Variants in LRRC40 observed in about 807,000 individuals in gnomAD.
LRRC40 encodes leucine-rich repeat-containing protein 40.
LRRC40 carries 76 observed loss-of-function variants against 72.8 expected under a neutral mutation model. The observed-to-expected ratio is 1.04, with a 90% CI of 0.87 to 1.26. The LOEUF is 1.26. LRRC40 is among the 50% of genes most tolerant of loss of function. LRRC40 has a pLI of 0.00. For synonymous variants in LRRC40, 243 were observed against 254.2 expected (o/e 0.96, Z 0.42); for missense variants, 684 against 698.9 (o/e 0.98, Z 0.24).
chr1:70,164,770 T>C (rs954019672), intron 9 of LRRC40, among the ~76,000 whole-genome samples: 1 of 152,228 alleles, frequency 6.6e-6, no homozygotes, highest in Non-Finnish European at 1.5e-5. Flanking sequence ...AAGATTTGCA[T>C]GTCAGATTGC....
intron 1 of LRRC40, among the ~76,000 whole-genome samples, chr1:70,195,757 C>T (rs1422741812): frequency 6.6e-6 from 1 of 152,146 alleles, no homozygotes; most frequent in Non-Finnish European, 1.5e-5. Flanking sequence ...CTCAGCCTCC[C>T]GAGCAGCAGC....
At chr1:70,148,137 CAAA>C (rs35638808) in intron 14 of LRRC40, 65 of 94,172 alleles carry the variant, frequency 6.9e-4, no homozygotes, top group South Asian at 2.5e-3. Context: ...CAATCAATTT[CAAA>C]AAAAAAAAAA....
intron 7 of LRRC40, among the ~76,000 whole-genome samples, chr1:70,175,222 T>C (rs1668077301): frequency 1.3e-5 from 2 of 152,164 alleles, no homozygotes; most frequent in African/African-American, 2.4e-5. Flanking sequence ...TTAAGTCTGA[T>C]TGTAAGGCAC....
At chr1:70,203,874 GAA>G (rs1011968477) in intron 1 of LRRC40, among the ~76,000 whole-genome samples, 3 of 123,696 alleles carry the variant, frequency 2.4e-5, no homozygotes, top group Non-Finnish European at 5.2e-5. Context: ...GCCAGACAGA[GAA>G]AGACTTTCTA....
chr1:70,173,265 TAC>T (rs1419023762), intron 9 of LRRC40, among the ~76,000 whole-genome samples, 198 bp downstream of exon 9: 2 of 152,046 alleles, frequency 1.3e-5, no homozygotes, highest in Non-Finnish European at 2.9e-5. Flanking sequence ...TTACAGATAG[TAC>T]ATTATTATTG....
At chr1:70,171,726 C>T (rs1344670758) in intron 9 of LRRC40, among the ~76,000 whole-genome samples, 2 of 152,090 alleles carry the variant, frequency 1.3e-5, no homozygotes, top group Non-Finnish European at 2.9e-5. Flanking sequence ...GGAATCAGAA[C>T]ACTCATATAC....
chr1:70,151,122 T>C lies in LRRC40; in HGVS notation c.1517+6A>G, dbSNP rs994938290. 12 of 1,460,016 alleles carry C rather than the reference T, an allele frequency of 8.2e-6. No homozygotes were observed. The Admixed American group carries it at 1.5e-4, about 19-fold the overall frequency. 90.4% of individuals were successfully genotyped at this position (1,460,016 alleles called of 1,614,324 possible). A position where few individuals can be genotyped will look rare whatever the true frequency, so the allele number is the denominator to read the frequency against. The stretch of plus-strand genomic sequence containing the variant: ...GAATAACAATTAGAATTGTCTGTTC[T>C]CTTACCTATTAAAGGAAAGATTGAT... On this transcript the variant is annotated splice_donor_region_variant and intron_variant, in intron 13 of 14. Transcript: ENST00000370952.
intron 1 of LRRC40, among the ~76,000 whole-genome samples, chr1:70,197,013 T>C (rs1668626929): frequency 6.6e-6 from 1 of 152,104 alleles, no homozygotes; most frequent in East Asian, 1.9e-4. Context: ...AGATACAATA[T>C]CCTTAAGCAG....
At chr1:70,189,488 C>A (rs1280850091) in intron 1 of LRRC40, among the ~76,000 whole-genome samples, 2 of 152,158 alleles carry the variant, frequency 1.3e-5, no homozygotes, top group African/African-American at 4.8e-5. Context: ...ATGTCCTCTA[C>A]ACATTAGCTC....
At chr1:70,200,520 AAGAG>A (rs1037836857) in intron 1 of LRRC40, among the ~76,000 whole-genome samples, 7 of 152,178 alleles carry the variant, frequency 4.6e-5, no homozygotes, top group Non-Finnish European at 8.8e-5. Context: ...TGTAAATGTG[AAGAG>A]AGAGAGAAAG....
At chr1:70,186,564 G>A (rs976303338) in intron 3 of LRRC40, among the ~76,000 whole-genome samples, 8 of 152,076 alleles carry the variant, frequency 5.3e-5, no homozygotes, top group African/African-American at 1.2e-4. Flanking sequence ...ATCTGTAACC[G>A]TATCTATTTT....
At chr1:70,186,961 CAA>C (rs1323296133) in intron 3 of LRRC40, among the ~76,000 whole-genome samples, 1 of 146,672 alleles carries the variant, frequency 6.8e-6, no homozygotes, top group Non-Finnish European at 1.5e-5. Flanking sequence ...GAGACATCAA[CAA>C]AGAGGTTTAC....
intron 1 of LRRC40, among the ~76,000 whole-genome samples, chr1:70,195,758 G>A (rs886533108): frequency 3.3e-5 from 5 of 152,070 alleles, no homozygotes; most frequent in Admixed American, 1.3e-4. Context: ...TCAGCCTCCC[G>A]AGCAGCAGCT....
In LRRC40 at chr1:70,174,003, T is replaced by C. The variant is rs377619805; in HGVS notation, c.978-294A>G. On this transcript the variant is annotated intron_variant, in intron 7 of 14. Coordinates refer to ENST00000370952, the MANE Select transcript of LRRC40 (RefSeq NM_017768.5). The stretch of plus-strand genomic sequence containing the variant: ...AGTAAATGTTAAACATAAATTTGAA[T>C]GAATCAGTGATTCAAGATAGACATC... Among the ~76,000 whole-genome samples, 498 of 152,174 alleles carry C rather than the reference T, an allele frequency of 3.3e-3. 6 individuals carry two copies. The highest frequency in any genetic ancestry group is 0.031 in the South Asian group (150 of 4,822).
chr1:70,145,790 C>G lies in LRRC40; in HGVS notation c.*10G>C, dbSNP rs754040008. On this transcript the variant is annotated 3_prime_UTR_variant, in exon 15 of 15. Transcript: ENST00000370952. ...ATAATACATGACAAGGGTTATAAAG[C>G]AACTCCATGTTAAGTAGGAATTCGG... 2.0e-4 allele frequency: 293 copies of G among 1,438,962 alleles called. No individual in the cohort carries two copies. The highest frequency in any genetic ancestry group is 2.7e-4 in the Non-Finnish European group (273 of 1,022,118). The allele number at this position is 1,438,962 out of a possible 1,614,324, so 89.1% of individuals were successfully genotyped here. A position where few individuals can be genotyped will look rare whatever the true frequency, so the allele number is the denominator to read the frequency against.
At chr1:70,169,173 T>C (rs1190118064) in intron 9 of LRRC40, among the ~76,000 whole-genome samples, 1 of 152,150 alleles carries the variant, frequency 6.6e-6, no homozygotes, top group African/African-American at 2.4e-5. Flanking sequence ...TACCTCGCTC[T>C]GTACACAGCC....
intron 6 of LRRC40, among the ~76,000 whole-genome samples, chr1:70,178,520 A>G (rs1668160781): frequency 6.6e-6 from 1 of 152,210 alleles, no homozygotes; most frequent in African/African-American, 2.4e-5. Context: ...GACACTTTAT[A>G]GAATTAGGTA....
At chr1:70,180,781 C>G (rs547890145) in intron 5 of LRRC40, among the ~76,000 whole-genome samples, 10 of 152,260 alleles carry the variant, frequency 6.6e-5, no homozygotes, top group African/African-American at 2.2e-4. Context: ...TAAGAGGGGA[C>G]TAACCTCTTT....
chr1:70,186,752 T>A (rs1668368077), intron 3 of LRRC40, among the ~76,000 whole-genome samples: 1 of 152,168 alleles, frequency 6.6e-6, no homozygotes, highest in African/African-American at 2.4e-5. Flanking sequence ...TTAGCTACAA[T>A]CTTTGCCACT....
Sources: allele counts gnomAD v4.1 joint callset (sites outside exome capture counted in the v4.1 genomes callset), GRCh38; gene constraint gnomAD v4.1.1; transcripts MANE v1.5; gene names NCBI Gene and HGNC (gene_info 2026-07-23, HGNC 2026-07-21).